The following RAB5A variants were observed in gnomAD, a reference collection of about 807,000 sequenced individuals.
RAB5A encodes ras-related protein Rab-5A.
A neutral mutation model predicts 25.7 loss-of-function variants in RAB5A; 8 were observed. The observed-to-expected ratio is 0.31, with a 90% CI of 0.18 to 0.56. The LOEUF (loss-of-function observed/expected upper bound fraction) is 0.56. RAB5A is among the 20% of genes least tolerant of loss of function. RAB5A has a pLI of 0.91. For synonymous variants in RAB5A, 98 were observed against 89.8 expected, an observed-to-expected ratio of 1.09 and a Z score of -0.52; for missense variants, 192 against 259.7, an observed-to-expected ratio of 0.74 and a Z score of 1.79.
chr3:19,953,432 G>A (rs1056907010), intron 2 of RAB5A, among the ~76,000 whole-genome samples: 42 of 137,456 alleles, frequency 3.1e-4, no homozygotes, highest in African/African-American at 1.1e-3. Flanking sequence ...TTTTTTTGGA[G>A]ACAAGGTCTC....
intron 2 of RAB5A, among the ~76,000 whole-genome samples, chr3:19,951,768 C>T (rs1356213635): frequency 2.1e-5 from 3 of 140,096 alleles, no homozygotes; most frequent in African/African-American, 8.2e-5. Context: ...AACTCCTGGC[C>T]TCAAGTGAGC....
chr3:19,960,595 C>T (rs1296794008), intron 2 of RAB5A, among the ~76,000 whole-genome samples: 4 of 152,206 alleles, frequency 2.6e-5, no homozygotes, highest in Admixed American at 1.3e-4. Context: ...GCCACTTTTT[C>T]AGGCATCATT....
rs764079310 is a variant in RAB5A, at chr3:19,983,794, C to T, written c.619C>T (p.Pro207Ser). Residue 207 changes from proline (P) to serine (S), a missense_variant, in exon 6 of 6, where the codon CCA (proline) becomes TCA (serine). Physicochemically the swap from Pro to Ser is moderately conservative, Grantham distance 74. This residue lies in a region of RAB5A where 121 missense variants were observed against 135.7 expected (regional missense o/e 0.89). Coordinates refer to ENST00000273047, the MANE Select transcript of RAB5A (RefSeq NM_004162.5). ...AGTAGACCTTACCGAACCCACACAACCAACCAGGAATCAGTGTTGTAGTAA... is the reference window on the plus strand; with the variant it reads ...AGTAGACCTTACCGAACCCACACAATCAACCAGGAATCAGTGTTGTAGTAA... The part of the protein sequence containing the change: ...RGVDLTEPTQ[P>S]TRNQCCSN 6.2e-6 allele frequency: 10 copies of T among 1,610,310 alleles called. No individual in the cohort carries two copies. The highest frequency in any genetic ancestry group is 3.3e-5 in the Admixed American group (2 of 59,970).
At chr3:19,976,268 G>A in intron 4 of RAB5A, 99 bp downstream of exon 4, 1 of 1,303,692 alleles carries the variant, frequency 7.7e-7, no homozygotes, top group Admixed American at 2.7e-5. Context: ...AACCATGCAA[G>A]TAATAGAAAA....
chr3:19,952,191 G>T (rs958363653), intron 2 of RAB5A, among the ~76,000 whole-genome samples: 9 of 152,110 alleles, frequency 5.9e-5, no homozygotes, highest in Non-Finnish European at 1.0e-4. Flanking sequence ...AAAAAAAATT[G>T]ACTTTAATCA....
chr3:19,951,701 G>GTTTTTTTC (rs1553638046), intron 2 of RAB5A, among the ~76,000 whole-genome samples: 3 of 99,014 alleles, frequency 3.0e-5, no homozygotes, highest in African/African-American at 4.1e-5. Flanking sequence ...TGCCAGGCAA[G>GTTTTTTTC]TTTTTTTTTT....
intron 2 of RAB5A, among the ~76,000 whole-genome samples, chr3:19,956,448 C>T (rs1026751652): frequency 5.9e-5 from 9 of 152,000 alleles, no homozygotes; most frequent in South Asian, 2.1e-4. Flanking sequence ...GGCGAGACTC[C>T]GTCTCAAAAA....
intron 4 of RAB5A, among the ~76,000 whole-genome samples, chr3:19,977,096 G>C (rs968479262): frequency 2.7e-5 from 4 of 150,014 alleles, no homozygotes; most frequent in African/African-American, 4.9e-5. Flanking sequence ...TTTTAAGATG[G>C]AGTCTTGCTC....
chr3:19,956,900 T>C (rs1162812454), intron 2 of RAB5A, among the ~76,000 whole-genome samples: 2 of 152,094 alleles, frequency 1.3e-5, no homozygotes, highest in Non-Finnish European at 2.9e-5. Flanking sequence ...TGCATAGCGT[T>C]TGATTTAGAA....
intron 2 of RAB5A, among the ~76,000 whole-genome samples, chr3:19,963,376 C>CACCA (rs1196314530): frequency 3.5e-5 from 3 of 86,796 alleles, no homozygotes; most frequent in African/African-American, 1.5e-4. Flanking sequence ...CCCCCCCCCC[C>CACCA]CCGACTTATT....
chr3:19,951,738 G>T (rs1696427822), intron 2 of RAB5A, among the ~76,000 whole-genome samples: 1 of 121,348 alleles, frequency 8.2e-6, no homozygotes, highest in Non-Finnish European at 1.7e-5. Context: ...GAGTCTCGCT[G>T]TGTTTCCAGG....
intron 4 of RAB5A, among the ~76,000 whole-genome samples, 175 bp from the exon 5 acceptor site, chr3:19,978,135 T>A (rs1200179717): frequency 6.6e-6 from 1 of 152,206 alleles, no homozygotes; most frequent in Admixed American, 6.5e-5. Context: ...TAAAATTATC[T>A]TGCACAGTGC....
chr3:19,975,544 A>G, intron 2 of RAB5A, 57 bp from the exon 3 acceptor site: 1 of 1,531,716 alleles, frequency 6.5e-7, no homozygotes, highest in Non-Finnish European at 8.9e-7. Flanking sequence ...GGTGTTTTCT[A>G]TATTATGAAA....
chr3:19,984,308 A>T lies in RAB5A; in HGVS notation c.*485A>T, dbSNP rs1328459176. 2.4e-6 allele frequency: 1 copy of T among 425,272 alleles called. No individual in the cohort carries two copies. Among genetic ancestry groups the T allele is most frequent in the Non-Finnish European group, 4.6e-6 (1 of 217,112 alleles). 26.3% of individuals were successfully genotyped at this position (425,272 alleles called of 1,614,324 possible). A position where few individuals can be genotyped will look rare whatever the true frequency, so the allele number is the denominator to read the frequency against. The stretch of plus-strand genomic sequence containing the variant: ...ATTTCTCCTGGTACCTGTATTTAAA[A>T]TGTACATTCCACATTTTAATAAATT... On this transcript the variant is annotated 3_prime_UTR_variant, in exon 6 of 6. Transcript: ENST00000273047.
At position 19,969,053 on chromosome 3, in the gene RAB5A, T is replaced by G. The variant is rs1172453257; in HGVS notation, c.164-6548T>G. Among the ~76,000 whole-genome samples, 842 of 141,118 alleles carry G rather than the reference T, an allele frequency of 6.0e-3. 18 individuals carry two copies. Among genetic ancestry groups the G allele is most frequent in the African/African-American group, 0.021 (767 of 37,268 alleles). The allele number at this position is 141,118 out of a possible 152,430, so 92.6% of individuals were successfully genotyped here. On this transcript the variant is annotated intron_variant, in intron 2 of 5. Coordinates refer to ENST00000273047, the MANE Select transcript of RAB5A (RefSeq NM_004162.5). ...TTGGTTTTTTTTTTTTGGTTTTTTT[T>G]TTTTTTTTGAGATGGAGTCTCACTC...
In RAB5A at chr3:19,951,193, CTTAGCT is replaced by C. The variant is rs1454230999; in HGVS notation, c.163+136_163+141del. The C allele has an allele frequency of 8.8e-6, 9 of 1,027,410 alleles. No individual in the cohort carries two copies. In the East Asian group the frequency reaches 2.3e-4, roughly 26 times the overall value. The allele number at this position is 1,027,410 out of a possible 1,614,324, so 63.6% of individuals were successfully genotyped here. On this transcript the variant is annotated intron_variant, in intron 2 of 5. Coordinates refer to ENST00000273047, the MANE Select transcript of RAB5A (RefSeq NM_004162.5). ...TGAAGAAAAGAGCTGTTCAGCTTAC[CTTAGCT>C]TTAAAACTTGCCTTTATCTTTGTTA...
intron 2 of RAB5A, chr3:19,970,469 C>T (rs1696733871): frequency 2.3e-6 from 1 of 442,978 alleles, no homozygotes; most frequent in African/African-American, 2.0e-5. Context: ...TCACGTAGCT[C>T]AGAGGGAGCC....
intron 2 of RAB5A, among the ~76,000 whole-genome samples, chr3:19,953,445 T>G (rs1313565268): frequency 6.6e-6 from 1 of 150,722 alleles, no homozygotes; most frequent in Non-Finnish European, 1.5e-5. Context: ...AAGGTCTCTG[T>G]CGCCCAGGCT....
At chr3:19,960,804 A>C (rs577756892) in intron 2 of RAB5A, among the ~76,000 whole-genome samples, 86 of 152,346 alleles carry the variant, frequency 5.6e-4, no homozygotes, top group Non-Finnish European at 1.1e-3. Flanking sequence ...AGGTAGAAGC[A>C]GGATGAAGAA....
Sources: allele counts gnomAD v4.1 joint callset (sites outside exome capture counted in the v4.1 genomes callset), GRCh38; gene constraint gnomAD v4.1.1; regional missense constraint gnomAD v4.1.1; transcripts MANE v1.5; gene names NCBI Gene and HGNC (gene_info 2026-07-23, HGNC 2026-07-21).